Variants in R3HDML observed in about 807,000 individuals in gnomAD.
The protein encoded by R3HDML is peptidase inhibitor R3HDML.
A neutral mutation model predicts 24.2 loss-of-function variants in R3HDML; 21 were observed. The observed-to-expected ratio is 0.87, with a 90% CI of 0.62 to 1.25. R3HDML has a LOEUF of 1.25. R3HDML is among the 50% of genes most tolerant of loss of function. The pLI, the probability that R3HDML is intolerant of heterozygous loss-of-function variation, is 0.00. For synonymous variants in R3HDML, 133 were observed against 131.5 expected, an observed-to-expected ratio of 1.01 and a Z score of -0.08; for missense variants, 301 against 340.3, an observed-to-expected ratio of 0.88 and a Z score of 0.91.
rs962269268 is a variant in R3HDML at position 44,350,809 on chromosome 20, G to C, written c.*17G>C. 6.2e-7 allele frequency: 1 copy of C among 1,613,512 alleles called. No individual in the cohort carries two copies. Among genetic ancestry groups the C allele is most frequent in the Admixed American group, 1.7e-5 (1 of 59,890 alleles). ...TGGTTCTGAATTTTCTCTGGGCTTT[G>C]GTGCGCCTCCAGCTGGGCCTGACCC... On this transcript the variant is annotated 3_prime_UTR_variant, in exon 5 of 5. Coordinates refer to ENST00000217043, the MANE Select transcript of R3HDML (RefSeq NM_178491.4).
In R3HDML at chr20:44,337,329, A is replaced by G; in HGVS notation, c.172A>G (p.Ile58Val). ...EVPRYRRKRH[I>V]SVRDMNALLD... ...GCCCAGGTACCGCCGGAAGCGCCACATCTCTGTGAGAGACATGAATGCCTT... is the reference window on the plus strand; with the variant it reads ...GCCCAGGTACCGCCGGAAGCGCCACGTCTCTGTGAGAGACATGAATGCCTT... Residue 58 changes from isoleucine (I) to valine (V), a missense_variant, in exon 1 of 5, where the codon ATC (isoleucine) becomes GTC (valine). By Grantham distance (29) the Ile-to-Val change is conservative. Transcript: ENST00000217043. The surrounding 1 kb of genome is among the most constrained non-coding windows in gnomAD (Gnocchi z 4.7). The G allele has an allele frequency of 6.2e-7, 1 of 1,614,216 alleles. No individual in the cohort carries two copies. Among genetic ancestry groups the G allele is most frequent in the Non-Finnish European group, 8.5e-7 (1 of 1,180,042 alleles).
intron 1 of R3HDML, among the ~76,000 whole-genome samples, chr20:44,340,428 G>A (rs1174949340): frequency 4.6e-5 from 7 of 152,098 alleles, no homozygotes; most frequent in Admixed American, 3.3e-4. Context: ...ATATTTTCAC[G>A]ATTTAAAAAA....
chr20:44,350,634 T>A, intron 4 of R3HDML, 26 bp from the exon 5 acceptor site: 1 of 1,606,560 alleles, frequency 6.2e-7, no homozygotes, highest in Non-Finnish European at 8.5e-7. Flanking sequence ...TGCTCCTCTG[T>A]CTCCCTGGGT....
rs533955479 is a variant in R3HDML at position 44,337,284 on chromosome 20, C to T, written c.127C>T (p.Leu43Phe). ...CCAGCCCGAGAGCACGGCTATGCGG[C>T]TCCTGAGTGGCCTGGAGGTGCCCAG... ...PAQPESTAMR[L>F]LSGLEVPRYR... Residue 43 changes from leucine (L) to phenylalanine (F), a missense_variant, in exon 1 of 5, where the codon CTC (leucine) becomes TTC (phenylalanine). By Grantham distance (22) the Leu-to-Phe change is conservative (BLOSUM62 0). Transcript: ENST00000217043. The surrounding 1 kb of genome is among the most constrained non-coding windows in gnomAD (Gnocchi z 4.7). 8.7e-6 allele frequency: 14 copies of T among 1,614,204 alleles called. No homozygotes were observed. The highest frequency in any genetic ancestry group is 8.0e-5 in the African/African-American group (6 of 75,062).
intron 4 of R3HDML, among the ~76,000 whole-genome samples, chr20:44,349,145 A>T (rs865798429): frequency 7.8e-6 from 1 of 127,596 alleles, no homozygotes; most frequent in African/African-American, 2.9e-5. Flanking sequence ...ATAAAATAAA[A>T]TAAATAAAAT....
chr20:44,350,772 A>G lies in R3HDML; in HGVS notation c.742A>G (p.Asn248Asp). Reference protein sequence around the residue: ...SNMCFKGLKSNKFTWF With the variant: ...SNMCFKGLKSDKFTWF ...CATGTGCTTCAAGGGGCTGAAATCC[A>G]ACAAGTTCACGTGGTTCTGAATTTT... Residue 248 changes from asparagine (N) to aspartate (D), a missense_variant, in exon 5 of 5, where the codon AAC (asparagine) becomes GAC (aspartate). Coordinates refer to ENST00000217043, the MANE Select transcript of R3HDML (RefSeq NM_178491.4). 1 of 1,613,988 alleles carries G rather than the reference A, an allele frequency of 6.2e-7. No individual in the cohort carries two copies. The highest frequency in any genetic ancestry group is 8.5e-7 in the Non-Finnish European group (1 of 1,179,942).
At chr20:44,345,829 C>CTTTCTTT (rs1428987914) in intron 4 of R3HDML, among the ~76,000 whole-genome samples, 1 of 147,772 alleles carries the variant, frequency 6.8e-6, no homozygotes, top group Non-Finnish European at 1.5e-5. Context: ...TTCTTTCTTT[C>CTTTCTTT]TTTTTTTTGA....
At chr20:44,341,356 A>C (rs2062771940) in intron 2 of R3HDML, 42 bp downstream of exon 2, 1 of 1,471,952 alleles carries the variant, frequency 6.8e-7, no homozygotes, top group East Asian at 2.3e-5. Context: ...TCATTCAACA[A>C]ATACTCATTG....
At chr20:44,348,972 G>A (rs1310355377) in intron 4 of R3HDML, among the ~76,000 whole-genome samples, 1 of 151,990 alleles carries the variant, frequency 6.6e-6, no homozygotes, top group Non-Finnish European at 1.5e-5. Flanking sequence ...CCAACATAGT[G>A]AAATCCCATC....
intron 4 of R3HDML, 70 bp downstream of exon 4, chr20:44,345,448 T>TA: frequency 9.8e-7 from 1 of 1,023,628 alleles, no homozygotes; most frequent in Non-Finnish European, 1.5e-6. Flanking sequence ...CAAAGAAAGA[T>TA]ACGCTCCATA....
intron 1 of R3HDML, 39 bp from the exon 2 acceptor site, chr20:44,341,156 GC>G: frequency 6.6e-7 from 1 of 1,523,022 alleles, no homozygotes; most frequent in Non-Finnish European, 9.1e-7. Context: ...GACGATGGTG[GC>G]AATTCCCCTG....
In R3HDML at chr20:44,350,761, G is replaced by A. The variant is rs764797637; in HGVS notation, c.731G>A (p.Gly244Glu). ...TGCAATAGCAACATGTGCTTCAAGG[G>A]GCTGAAATCCAACAAGTTCACGTGG... is the stretch of plus-strand genomic sequence containing the variant. ...GSCNSNMCFK[G>E]LKSNKFTWF Residue 244 changes from glycine to glutamate, a missense_variant, in exon 5 of 5, where the codon GGG becomes GAG. By Grantham distance (98) the Gly-to-Glu change is moderately conservative. Coordinates refer to ENST00000217043, the MANE Select transcript of R3HDML (RefSeq NM_178491.4). The A allele has an allele frequency of 6.2e-7, 1 of 1,613,938 alleles. No individual in the cohort carries two copies. The highest frequency in any genetic ancestry group is 1.1e-5 in the South Asian group (1 of 91,020).
chr20:44,350,481 A>G, intron 4 of R3HDML, 179 bp from the exon 5 acceptor site: 1 of 503,900 alleles, frequency 2.0e-6, no homozygotes, highest in Non-Finnish European at 3.2e-6. Context: ...TGGGTGACAG[A>G]GCAAAACAAA....
intron 4 of R3HDML, 79 bp from the exon 5 acceptor site, chr20:44,350,581 C>T: frequency 7.0e-7 from 1 of 1,426,718 alleles, no homozygotes; most frequent in Non-Finnish European, 9.4e-7. Context: ...TGGTCAGTGG[C>T]AGCGCTGAGA....
At chr20:44,345,637 CTT>C (rs568174456) in intron 4 of R3HDML, among the ~76,000 whole-genome samples, 90 of 151,008 alleles carry the variant, frequency 6.0e-4, no homozygotes, top group Non-Finnish European at 1.1e-3. Context: ...GACCCCAACT[CTT>C]AAAAAAAAAA....
intron 4 of R3HDML, among the ~76,000 whole-genome samples, chr20:44,350,328 G>A (rs2062805812): frequency 6.6e-6 from 1 of 151,390 alleles, no homozygotes; most frequent in Non-Finnish European, 1.5e-5. Context: ...AGCCTGAGCA[G>A]TATAGGGAGA....
In R3HDML at chr20:44,350,489, A is replaced by AAAATAAATAAATAAATAAATAAAT. The variant is rs141709514; in HGVS notation, c.630-148_630-147insTAAATAAATAAATAAATAAATAAA. 8.8e-4 allele frequency: 477 copies of AAAATAAATAAATAAATAAATAAAT among 542,600 alleles called. 6 individuals carry two copies. In the African/African-American group the frequency reaches 9.1e-3, roughly 10 times the overall value. The allele number at this position is 542,600 out of a possible 1,614,324, so 33.6% of individuals were successfully genotyped here. A position where few individuals can be genotyped will look rare whatever the true frequency, so the allele number is the denominator to read the frequency against. On this transcript the variant is annotated intron_variant, in intron 4 of 4. Coordinates refer to ENST00000217043, the MANE Select transcript of R3HDML (RefSeq NM_178491.4). ...TGAGCTATGGGTGACAGAGCAAAAC[A>AAAATAAATAAATAAATAAATAAAT]AAATAAATAAATAAATAAATAAAGG...
At chr20:44,343,561 T>C in intron 3 of R3HDML, 52 bp downstream of exon 3, 1 of 1,509,542 alleles carries the variant, frequency 6.6e-7, no homozygotes. Flanking sequence ...CCTGGCGCCT[T>C]AGAAGAAAAG....
At chr20:44,348,705 G>A (rs1276223866) in intron 4 of R3HDML, among the ~76,000 whole-genome samples, 2 of 151,812 alleles carry the variant, frequency 1.3e-5, no homozygotes, top group Non-Finnish European at 2.9e-5. Flanking sequence ...TAGAGACGGG[G>A]GTCTCGCCAT....
Sources: allele counts gnomAD v4.1 joint callset (sites outside exome capture counted in the v4.1 genomes callset), GRCh38; gene constraint gnomAD v4.1.1; non-coding constraint Gnocchi (gnomAD v3.1); transcripts MANE v1.5; gene names NCBI Gene and HGNC (gene_info 2026-07-23, HGNC 2026-07-21).